CYP2B6: variants seen among roughly 807,000 people sequenced by gnomAD.
The protein encoded by CYP2B6 is cytochrome P450 2B6.
Under a neutral mutation model 43.4 loss-of-function variants are expected in CYP2B6, and 35 were observed. The ratio of observed to expected loss-of-function variants is 0.81; its 90% CI spans 0.62 to 1.07. The LOEUF (loss-of-function observed/expected upper bound fraction) is 1.07, where lower values mean the gene tolerates loss of function less well. Ranked by LOEUF, CYP2B6 falls within the 50% of genes least tolerant of loss-of-function variation. CYP2B6 has a pLI of 0.00. For missense variants in CYP2B6, 624 were observed against 632.8 expected (o/e 0.99, Z 0.15); for synonymous variants, 239 against 239.2 (o/e 1.00, Z 0.01).
chr19:41,011,024 T>C (rs1969275597), intron 6 of CYP2B6, among the ~76,000 whole-genome samples: 1 of 146,084 alleles, frequency 6.8e-6, no homozygotes, highest in African/African-American at 2.6e-5. Context: ...TAAGGACATA[T>C]ACTGTCATTC....
chr19:40,999,268 G>C (rs1969045151), intron 1 of CYP2B6, among the ~76,000 whole-genome samples: 1 of 151,990 alleles, frequency 6.6e-6, no homozygotes, highest in Admixed American at 6.6e-5. Flanking sequence ...TTTTTGATGG[G>C]GTTGTTTTTT....
chr19:41,007,437 C>T (rs1321429445), intron 4 of CYP2B6: 4 of 220,696 alleles, frequency 1.8e-5, no homozygotes, highest in African/African-American at 9.2e-5. Context: ...GGCTTCATGT[C>T]TATTCTGCTC....
Position 40,992,201 on chromosome 19 carries a change from CAAAAAAA to C in CYP2B6, c.171+739_171+745del, listed in dbSNP as rs561830421. ...TGGGTGACAGAGTGAGACTCCTTCT[CAAAAAAA>C]AAAAAAAAAAAAAGAATATACTCCC... On this transcript the variant is annotated intron_variant, in intron 1 of 8. Coordinates refer to ENST00000324071, the MANE Select transcript of CYP2B6 (RefSeq NM_000767.5). 1.8e-4 allele frequency among the ~76,000 whole-genome samples: 11 copies of C among 62,590 alleles called. No homozygotes were observed. The South Asian group carries it at 5.4e-3, about 31-fold the overall frequency. 41.1% of individuals were successfully genotyped at this position (62,590 alleles called of 152,430 possible).
intron 1 of CYP2B6, among the ~76,000 whole-genome samples, chr19:40,996,465 A>G (rs1038981591): frequency 2.6e-5 from 4 of 152,188 alleles, no homozygotes; most frequent in Non-Finnish European, 2.9e-5. Flanking sequence ...TAATACAACC[A>G]GAAAACATGC....
chr19:40,999,920 C>G (rs1349709902), intron 1 of CYP2B6, among the ~76,000 whole-genome samples: 3 of 152,080 alleles, frequency 2.0e-5, no homozygotes, highest in Non-Finnish European at 2.9e-5. Context: ...TCTCGAACTC[C>G]TGGACTCAAG....
chr19:41,018,285 C>G lies in CYP2B6; in HGVS notation c.*1458C>G, dbSNP rs3211402. 6.6e-6 allele frequency: 1 copy of G among 152,374 alleles called. No individual in the cohort carries two copies. Among genetic ancestry groups the G allele is most frequent in the Non-Finnish European group, 1.5e-5 (1 of 68,130 alleles). 9.4% of individuals were successfully genotyped at this position (152,374 alleles called of 1,614,324 possible). A position where few individuals can be genotyped will look rare whatever the true frequency, so the allele number is the denominator to read the frequency against. On this transcript the variant is annotated 3_prime_UTR_variant, in exon 9 of 9. Transcript: ENST00000324071. ...CCGTCTATCAAAAAGCCCCCTTGGC[C>G]CAGGTTCCCTGAGCTGTGGGATTCT...
chr19:40,995,784 G>T (rs962151313), intron 1 of CYP2B6, among the ~76,000 whole-genome samples: 1 of 152,108 alleles, frequency 6.6e-6, no homozygotes, highest in African/African-American at 2.4e-5. Context: ...AATTCAGCAT[G>T]CTTTGCCTAA....
chr19:41,006,556 T>G (rs527270670), intron 3 of CYP2B6, among the ~76,000 whole-genome samples: 25 of 152,038 alleles, frequency 1.6e-4, no homozygotes, highest in African/African-American at 2.7e-4. Flanking sequence ...AGGTGGGGCC[T>G]GAGAGGAGGT....
At chr19:41,010,281 G>A in intron 6 of CYP2B6, 146 bp downstream of exon 6, 1 of 918,756 alleles carries the variant, frequency 1.1e-6, no homozygotes, top group Non-Finnish European at 1.7e-6. Flanking sequence ...TTCCAACCAA[G>A]CCAATTCTGT....
In CYP2B6 at chr19:41,012,501, A is replaced by G. The variant is rs374783932; in HGVS notation, c.1152+16A>G. The G allele has an allele frequency of 4.0e-5, 64 of 1,613,978 alleles. No homozygotes were observed. The African/African-American group carries it at 7.3e-4, about 19-fold the overall frequency. ...CATCCCCAAGGTAAGACCGGCTGGA[A>G]CCCCATAGCCCTCCTGTTTGGGCAT... On this transcript the variant is annotated intron_variant, in intron 7 of 8. Coordinates refer to ENST00000324071, the MANE Select transcript of CYP2B6 (RefSeq NM_000767.5).
At chr19:41,001,562 T>C (rs929141688) in intron 1 of CYP2B6, among the ~76,000 whole-genome samples, 5 of 152,152 alleles carry the variant, frequency 3.3e-5, no homozygotes, top group African/African-American at 4.8e-5. Flanking sequence ...TCAGTTAAGA[T>C]CATGACAATG....
rs772729333 is a variant in CYP2B6, at chr19:41,012,295, C to G, written c.965-3C>G. 5.6e-6 allele frequency: 9 copies of G among 1,613,810 alleles called. No homozygotes were observed. The highest frequency in any genetic ancestry group is 7.6e-6 in the Non-Finnish European group (9 of 1,179,892). ...AGATTCATTGGTCTTCTTTTCTGTACAGAGAGAGTCTACAGGGAGATTGAA... is the reference window on the plus strand; with the variant it reads ...AGATTCATTGGTCTTCTTTTCTGTAGAGAGAGAGTCTACAGGGAGATTGAA... On this transcript the variant is annotated splice_region_variant and splice_polypyrimidine_tract_variant and intron_variant, in intron 6 of 8. Coordinates refer to ENST00000324071, the MANE Select transcript of CYP2B6 (RefSeq NM_000767.5).
At chr19:41,015,444 TAGGGAATGCCTGA>T (rs1025400938) in intron 8 of CYP2B6, among the ~76,000 whole-genome samples, 5 of 152,204 alleles carry the variant, frequency 3.3e-5, no homozygotes. Context: ...TTGACAGGCA[TAGGGAATGCCTGA>T]AAACTCACAC....
intron 6 of CYP2B6, among the ~76,000 whole-genome samples, chr19:41,010,440 G>A (rs542511774): frequency 2.7e-5 from 4 of 149,052 alleles, no homozygotes; most frequent in African/African-American, 9.9e-5. Context: ...TTGAGACAGA[G>A]TCTCGCTCTG....
chr19:41,007,515 T>C (rs1379115357), intron 4 of CYP2B6: 2 of 168,222 alleles, frequency 1.2e-5, no homozygotes, highest in Non-Finnish European at 2.6e-5. Flanking sequence ...TGGGGTGTAG[T>C]GTTGCCATCT....
At chr19:41,012,255 T>C in intron 6 of CYP2B6, 43 bp from the exon 7 acceptor site, 1 of 1,601,002 alleles carries the variant, frequency 6.2e-7, no homozygotes, top group Non-Finnish European at 8.5e-7. Context: ...TGGCCTGAAA[T>C]GCCTCTTTAA....
chr19:41,012,595 T>C, intron 7 of CYP2B6, 79 bp from the exon 8 acceptor site: 1 of 1,612,400 alleles, frequency 6.2e-7, no homozygotes. Flanking sequence ...TGTTTTTGTT[T>C]TTTGTATTTC....
intron 3 of CYP2B6, among the ~76,000 whole-genome samples, chr19:41,005,114 T>A (rs2144668314): frequency 6.6e-6 from 1 of 152,260 alleles, no homozygotes; most frequent in Non-Finnish European, 1.5e-5. Context: ...AATAATGAAC[T>A]GTGTTTTCCT....
At chr19:40,991,921 G>A (rs1200586342) in intron 1 of CYP2B6, among the ~76,000 whole-genome samples, 1 of 151,988 alleles carries the variant, frequency 6.6e-6, no homozygotes, top group Non-Finnish European at 1.5e-5. Context: ...TATTCATTTG[G>A]GCCAGGTGCA....
Sources: allele counts gnomAD v4.1 joint callset (sites outside exome capture counted in the v4.1 genomes callset), GRCh38; gene constraint gnomAD v4.1.1; transcripts MANE v1.5; gene names NCBI Gene and HGNC (gene_info 2026-07-23, HGNC 2026-07-21).